TET1: variants seen among roughly 807,000 people sequenced by gnomAD.
TET1 encodes tet methylcytosine dioxygenase 1.
A neutral mutation model predicts 148.7 loss-of-function variants in TET1; 13 were observed. The ratio of observed to expected loss-of-function variants is 0.09; its 90% CI spans 0.06 to 0.14. TET1 has a LOEUF of 0.14. TET1 is among the 10% of genes least tolerant of loss of function. The pLI is 1.00. For synonymous variants in TET1, 907 were observed against 937.2 expected, an observed-to-expected ratio of 0.97 and a Z score of 0.59; for missense variants, 2,182 against 2,553.8, an observed-to-expected ratio of 0.85 and a Z score of 3.14.
At position 68,645,189 on chromosome 10, in the gene TET1, T is replaced by C; in HGVS notation, c.2460T>C (p.Ser820=). 6.2e-7 allele frequency: 1 copy of C among 1,614,122 alleles called. No homozygotes were observed. The highest frequency in any genetic ancestry group is 1.3e-5 in the African/African-American group (1 of 75,038). Residue 820 remains serine (S), a synonymous_variant, in exon 4 of 12, where the codon AGT becomes AGC. Transcript: ENST00000373644. The stretch of plus-strand genomic sequence containing the variant: ...GTTGTGATCATCTCAAGGGGAGAAG[T>C]AACGTTTTAGTATTCCAGCAGCCTG... The part of the protein sequence containing the change: ...DMSCDHLKGR[S]NVLVFQQPGF...
chr10:68,564,016 C>T (rs1473908479), intron 1 of TET1, among the ~76,000 whole-genome samples: 2 of 152,130 alleles, frequency 1.3e-5, no homozygotes, highest in African/African-American at 4.8e-5. Flanking sequence ...TTTAAGAAGC[C>T]AGCTTTTCAT....
At chr10:68,564,340 G>A (rs1255050494) in intron 1 of TET1, among the ~76,000 whole-genome samples, 2 of 151,666 alleles carry the variant, frequency 1.3e-5, no homozygotes, top group Non-Finnish European at 2.9e-5. Context: ...GTAGAGATGG[G>A]GATTCACCAT....
intron 9 of TET1, among the ~76,000 whole-genome samples, chr10:68,681,967 C>CAAA (rs71019060): frequency 5.9e-5 from 8 of 134,618 alleles, no homozygotes; most frequent in South Asian, 2.4e-4. Flanking sequence ...GACTCTGTCT[C>CAAA]AAAAAAAAAA....
chr10:68,657,537 G>T (rs2055043639), intron 6 of TET1, among the ~76,000 whole-genome samples: 1 of 152,136 alleles, frequency 6.6e-6, no homozygotes, highest in African/African-American at 2.4e-5. Flanking sequence ...TACTCTGGAG[G>T]CTGGACGATT....
chr10:68,635,116 AT>A (rs2054631854), intron 3 of TET1, among the ~76,000 whole-genome samples: 1 of 150,390 alleles, frequency 6.6e-6, no homozygotes, highest in Non-Finnish European at 1.5e-5. Context: ...TAATATATAT[AT>A]TTTTTCCAAT....
intron 2 of TET1, among the ~76,000 whole-genome samples, chr10:68,596,195 A>G (rs1303653962): frequency 1.3e-5 from 2 of 150,800 alleles, no homozygotes; most frequent in African/African-American, 4.9e-5. Context: ...ACGTGCCACC[A>G]TGCCCAGCGG....
At chr10:68,683,096 A>C in intron 10 of TET1, 123 bp downstream of exon 10, 1 of 1,191,620 alleles carries the variant, frequency 8.4e-7, no homozygotes, top group Admixed American at 3.3e-5. Context: ...ATTAGAAATA[A>C]GTGGAAAATA....
At chr10:68,675,105 T>A in intron 8 of TET1, 1 of 551,294 alleles carries the variant, frequency 1.8e-6, no homozygotes. Context: ...AGAATCTGTT[T>A]AAAGTTCAGA....
At chr10:68,561,673 C>CCT (rs1426695915) in intron 1 of TET1, among the ~76,000 whole-genome samples, 1 of 151,472 alleles carries the variant, frequency 6.6e-6, no homozygotes, top group South Asian at 2.1e-4. Context: ...AAAATGCTCT[C>CCT]CTCTCTCTCT....
At chr10:68,673,961 T>C (rs2055313903) in intron 8 of TET1, among the ~76,000 whole-genome samples, 1 of 115,260 alleles carries the variant, frequency 8.7e-6, no homozygotes, top group South Asian at 2.5e-4. Context: ...TTTCTTTTTC[T>C]TTTTTTTTTT....
intron 3 of TET1, among the ~76,000 whole-genome samples, chr10:68,624,682 C>CTT (rs1364288306): frequency 5.2e-5 from 6 of 116,356 alleles, no homozygotes; most frequent in African/African-American, 1.4e-4. Context: ...CTCTCTCTCT[C>CTT]TCTCTCTCTC....
In TET1 at chr10:68,589,863, G is replaced by T. The variant is rs540221088; in HGVS notation, c.1915-11118G>T. Among the ~76,000 whole-genome samples the T allele has an allele frequency of 7.5e-4, 114 of 151,854 alleles. 3 individuals carry two copies. In the South Asian group the frequency reaches 0.023, roughly 30 times the overall value. On this transcript the variant is annotated intron_variant, in intron 2 of 11. Transcript: ENST00000373644. ...TTTTTTGTATTTTTAGCAGAAATGG[G>T]GCTTCACTGTGTTGGCCAGGCTGGT...
chr10:68,643,678 G>A (rs188210780), intron 3 of TET1, among the ~76,000 whole-genome samples: 203 of 151,922 alleles, frequency 1.3e-3, no homozygotes, highest in Non-Finnish European at 2.4e-3. Flanking sequence ...AAAATTAGCT[G>A]AGTGTGGTGG....
At chr10:68,600,919 G>C in intron 2 of TET1, 62 bp from the exon 3 acceptor site, 1 of 1,481,216 alleles carries the variant, frequency 6.8e-7, no homozygotes, top group South Asian at 1.2e-5. Context: ...AAAATTTTGG[G>C]GATGTGGGAG....
intron 3 of TET1, among the ~76,000 whole-genome samples, chr10:68,601,721 T>C (rs1174811083): frequency 6.6e-6 from 1 of 152,192 alleles, no homozygotes; most frequent in African/African-American, 2.4e-5. Context: ...TCACTAAAAG[T>C]TCAAGGCTAG....
rs148506874 is a variant in TET1, at chr10:68,674,987, G to A, written c.4824+1942G>A. The A allele has an allele frequency of 1.5e-3, 593 of 394,236 alleles. 1 individual carries two copies. Among genetic ancestry groups the A allele is most frequent in the African/African-American group, 0.011 (517 of 46,388 alleles). 24.4% of individuals were successfully genotyped at this position (394,236 alleles called of 1,614,324 possible). On this transcript the variant is annotated intron_variant, in intron 8 of 11. Coordinates refer to ENST00000373644, the MANE Select transcript of TET1 (RefSeq NM_030625.3). ...TGCTGAAGAAGCCTAGCTTTGAATT[G>A]GGGAAACTCATGGAGCTTTATGGTG...
chr10:68,682,236 C>A lies in TET1; in HGVS notation c.4915-600C>A, dbSNP rs902676189. 2.0e-5 allele frequency among the ~76,000 whole-genome samples: 3 copies of A among 151,208 alleles called. No individual in the cohort carries two copies. In the South Asian group the frequency reaches 6.3e-4, roughly 32 times the overall value. ...AAGCAATTCTCCTGCCTCAGCCTCC[C>A]GAGTAGCTGGGACTACAGGCATGCG... On this transcript the variant is annotated intron_variant, in intron 9 of 11. Coordinates refer to ENST00000373644, the MANE Select transcript of TET1 (RefSeq NM_030625.3).
intron 2 of TET1, among the ~76,000 whole-genome samples, chr10:68,599,024 G>A (rs1024302491): frequency 2.6e-5 from 4 of 152,040 alleles, no homozygotes; most frequent in African/African-American, 7.2e-5. Flanking sequence ...TAAAAATGTG[G>A]GTGAGGGGTG....
chr10:68,573,884 C>A lies in TET1; in HGVS notation c.1546C>A (p.Pro516Thr). The change falls in exon 2 of 12, where the codon CCA becomes ACA. Residue 516 changes from proline (P) to threonine (T), a missense_variant. Physicochemically the swap from Pro to Thr is conservative, Grantham distance 38. This residue lies in a region of TET1 where 665 missense variants were observed against 672.4 expected (regional missense o/e 0.99). Transcript: ENST00000373644. The part of the protein sequence containing the change: ...SFLPANTQGF[P>T]LAPERGLFHA... ...CCTGCCAGCTAACACTCAGGGGTTC[C>A]CATTAGCCCCTGAGAGAGGACTCTT... 1 of 1,614,094 alleles carries A rather than the reference C, an allele frequency of 6.2e-7. No individual in the cohort carries two copies. The highest frequency in any genetic ancestry group is 8.5e-7 in the Non-Finnish European group (1 of 1,179,996).
Sources: allele counts gnomAD v4.1 joint callset (sites outside exome capture counted in the v4.1 genomes callset), GRCh38; gene constraint gnomAD v4.1.1; regional missense constraint gnomAD v4.1.1; transcripts MANE v1.5; gene names NCBI Gene and HGNC (gene_info 2026-07-23, HGNC 2026-07-21).